The following GABBR2 variants were observed in gnomAD, a reference collection of about 807,000 sequenced individuals.
The protein encoded by GABBR2 is G-protein coupled receptor 51.
A neutral mutation model predicts 105.6 loss-of-function variants in GABBR2; 23 were observed. That is an observed-to-expected ratio of 0.22 (90% CI 0.16 to 0.31). The LOEUF (loss-of-function observed/expected upper bound fraction) is 0.31. Ranked by LOEUF, GABBR2 falls within the 10% of genes least tolerant of loss-of-function variation. The pLI, the probability that GABBR2 is intolerant of heterozygous loss-of-function variation, is 1.00. For missense variants in GABBR2, 734 were observed against 1,245.5 expected (o/e 0.59, Z 6.18); for synonymous variants, 478 against 499.7 (o/e 0.96, Z 0.58).
At chr9:98,539,402 AAAG>A (rs1203947024) in intron 3 of GABBR2, among the ~76,000 whole-genome samples, 14 of 152,206 alleles carry the variant, frequency 9.2e-5, no homozygotes, top group Admixed American at 2.0e-4. Context: ...CTAGAGAAGA[AAAG>A]AAGGAGAAAT....
chr9:98,467,177 A>G lies in GABBR2; in HGVS notation c.999+5969T>C, dbSNP rs1481424320. On this transcript the variant is annotated intron_variant, in intron 6 of 18. Transcript: ENST00000259455. Reference sequence around the variant, plus strand: ...ACATTTTCCAGTGAGGTGGCAACATACCCGGTTAAAAACCAGAGTTGCGTT... The same window carrying G: ...ACATTTTCCAGTGAGGTGGCAACATGCCCGGTTAAAAACCAGAGTTGCGTT... 3.6e-4 allele frequency among the ~76,000 whole-genome samples: 55 copies of G among 152,136 alleles called. 2 individuals are homozygous for G. Among genetic ancestry groups the G allele is most frequent in the Admixed American group, 3.6e-3 (55 of 15,276 alleles).
Position 98,451,114 on chromosome 9 carries a change from G to A in GABBR2, c.1236+2867C>T, listed in dbSNP as rs552498644. On this transcript the variant is annotated intron_variant, in intron 7 of 18. Transcript: ENST00000259455. ...TCAGTCCATGAACTTGTAGGATGAG[G>A]AGAAAGGACTTTGGAGGTATTCTAA... Among the ~76,000 whole-genome samples, 5 of 152,298 alleles carry A rather than the reference G, an allele frequency of 3.3e-5. No individual in the cohort carries two copies. In the East Asian group the frequency reaches 9.6e-4, roughly 29 times the overall value.
chr9:98,489,998 C>A (rs1010196949), intron 4 of GABBR2, among the ~76,000 whole-genome samples: 3 of 152,194 alleles, frequency 2.0e-5, no homozygotes, highest in Non-Finnish European at 4.4e-5. Context: ...GAGGCTGAGG[C>A]AGGAGAATCA....
At chr9:98,295,715 AG>A (rs1011994044) in intron 17 of GABBR2, among the ~76,000 whole-genome samples, 15 of 152,254 alleles carry the variant, frequency 9.9e-5, no homozygotes, top group Non-Finnish European at 1.9e-4. Flanking sequence ...CAGTGGAGAC[AG>A]GGTTTCACCA....
At position 98,660,483 on chromosome 9, in the gene GABBR2, C is replaced by T. The variant is rs1372178493; in HGVS notation, c.321+47934G>A. ...CACACATATTTGTGACTAAGTTCCACATTTTTAACTGCCTTTATTGGCCAA... is the reference window on the plus strand; with the variant it reads ...CACACATATTTGTGACTAAGTTCCATATTTTTAACTGCCTTTATTGGCCAA... On this transcript the variant is annotated intron_variant, in intron 1 of 18. Transcript: ENST00000259455. 1.6e-4 allele frequency among the ~76,000 whole-genome samples: 24 copies of T among 152,256 alleles called. 1 individual carries two copies. The East Asian group carries it at 4.6e-3, about 29-fold the overall frequency.
chr9:98,492,625 C>T (rs147946560), intron 4 of GABBR2, among the ~76,000 whole-genome samples: 11 of 152,200 alleles, frequency 7.2e-5, no homozygotes, highest in African/African-American at 2.6e-4. Context: ...AATTGTCATG[C>T]CTCCTTCAGC....
chr9:98,659,008 C>T (rs1830219077), intron 1 of GABBR2, among the ~76,000 whole-genome samples: 1 of 152,152 alleles, frequency 6.6e-6, no homozygotes, highest in African/African-American at 2.4e-5. Context: ...CAAGTCTGAC[C>T]ACATGAAATA....
chr9:98,606,297 G>C (rs1382024900), intron 1 of GABBR2, among the ~76,000 whole-genome samples: 2 of 152,102 alleles, frequency 1.3e-5, no homozygotes, highest in Non-Finnish European at 2.9e-5. Flanking sequence ...CCAGTAATGG[G>C]ATGGCTGGGT....
At chr9:98,677,850 C>T (rs1430208907) in intron 1 of GABBR2, among the ~76,000 whole-genome samples, 1 of 152,180 alleles carries the variant, frequency 6.6e-6, no homozygotes, top group Non-Finnish European at 1.5e-5. Context: ...GCTCCAGCAC[C>T]ATCTCAGAGA....
intron 1 of GABBR2, among the ~76,000 whole-genome samples, chr9:98,687,616 G>C (rs1830635539): frequency 6.6e-6 from 1 of 152,078 alleles, no homozygotes; most frequent in South Asian, 2.1e-4. Flanking sequence ...TCTGGGATCT[G>C]CTACCCCATC....
intron 7 of GABBR2, among the ~76,000 whole-genome samples, chr9:98,428,596 A>C (rs1825741734): frequency 6.6e-6 from 1 of 152,248 alleles, no homozygotes; most frequent in Admixed American, 6.5e-5. Flanking sequence ...AGTTCTGTGA[A>C]GATGGCTCTA....
chr9:98,641,143 T>A (rs1672157676), intron 1 of GABBR2, among the ~76,000 whole-genome samples: 1 of 150,906 alleles, frequency 6.6e-6, no homozygotes, highest in African/African-American at 2.4e-5. Context: ...TTTTTTTTTT[T>A]TTCTTTTTGA....
intron 2 of GABBR2, among the ~76,000 whole-genome samples, chr9:98,562,545 C>A (rs12350883): frequency 6.6e-6 from 1 of 152,228 alleles, no homozygotes; most frequent in South Asian, 2.1e-4. Flanking sequence ...TGTGTGCAAA[C>A]TAATATCACA....
intron 3 of GABBR2, among the ~76,000 whole-genome samples, chr9:98,518,620 G>A (rs1588208676): frequency 6.6e-6 from 1 of 152,160 alleles, no homozygotes; most frequent in Non-Finnish European, 1.5e-5. Flanking sequence ...GCCCTGCTCT[G>A]GAGTAACTGG....
intron 7 of GABBR2, among the ~76,000 whole-genome samples, chr9:98,446,432 A>T (rs533764002): frequency 2.6e-5 from 4 of 152,322 alleles, no homozygotes; most frequent in African/African-American, 9.6e-5. Context: ...GCTCTAAGAG[A>T]TACATACACT....
intron 3 of GABBR2, among the ~76,000 whole-genome samples, chr9:98,510,515 T>G (rs1827617599): frequency 6.6e-6 from 1 of 152,090 alleles, no homozygotes; most frequent in African/African-American, 2.4e-5. Context: ...TGTGCTGTAT[T>G]CAGGAAACCC....
intron 13 of GABBR2, among the ~76,000 whole-genome samples, chr9:98,322,495 T>C (rs1212810978): frequency 6.6e-6 from 1 of 152,016 alleles, no homozygotes; most frequent in Non-Finnish European, 1.5e-5. Flanking sequence ...CTCCAAGTGA[T>C]CATCCGCGCC....
At chr9:98,420,043 T>A (rs1832754953) in intron 7 of GABBR2, among the ~76,000 whole-genome samples, 1 of 152,084 alleles carries the variant, frequency 6.6e-6, no homozygotes, top group Non-Finnish European at 1.5e-5. Flanking sequence ...CAGGAGGCTC[T>A]CCAAATCTTG....
At chr9:98,655,286 C>T (rs1426945507) in intron 1 of GABBR2, among the ~76,000 whole-genome samples, 3 of 151,638 alleles carry the variant, frequency 2.0e-5, no homozygotes, top group East Asian at 1.9e-4. Context: ...TGGGGGATGT[C>T]GATAATGGGG....
Sources: gnomAD v4.1 joint callset for allele counts (sites outside exome capture counted in the v4.1 genomes callset) on GRCh38, gnomAD v4.1.1 for gene constraint, MANE v1.5 for transcripts, NCBI Gene and HGNC (gene_info 2026-07-23, HGNC 2026-07-21) for gene names.